GMIP: variants seen among roughly 807,000 people sequenced by gnomAD.
GMIP encodes GEM-interacting protein.
Under a neutral mutation model 105.3 loss-of-function variants are expected in GMIP, and 54 were observed. That is an observed-to-expected ratio of 0.51 (90% CI 0.41 to 0.64). The LOEUF (loss-of-function observed/expected upper bound fraction) is 0.64, where lower values mean the gene tolerates loss of function less well. Ranked by LOEUF, GMIP falls within the 30% of genes least tolerant of loss-of-function variation. GMIP has a pLI of 0.00. For missense variants in GMIP, 1,110 were observed against 1,319.4 expected (o/e 0.84, Z 2.46); for synonymous variants, 541 against 560.8 (o/e 0.96, Z 0.50).
In GMIP at chr19:19,637,664, T is replaced by G; in HGVS notation, c.928-103A>C. On this transcript the variant is annotated intron_variant, in intron 10 of 20. Transcript: ENST00000203556. The surrounding 1 kb of genome is among the most constrained non-coding windows in gnomAD (Gnocchi z 6.7). ...TGAGAGACGCGAACGTGGTCAGGGT[T>G]TGGGACGCACCTGGGCGGCTTAGGA... The G allele has an allele frequency of 9.8e-7, 1 of 1,024,938 alleles. No homozygotes were observed. Among genetic ancestry groups the G allele is most frequent in the Non-Finnish European group, 1.4e-6 (1 of 732,406 alleles). The allele number at this position is 1,024,938 out of a possible 1,614,324, so 63.5% of individuals were successfully genotyped here.
chr19:19,640,534 C>T lies in GMIP; in HGVS notation c.276G>A (p.Gly92=). 1 of 1,613,954 alleles carries T rather than the reference C, an allele frequency of 6.2e-7. No homozygotes were observed. Among genetic ancestry groups the T allele is most frequent in the Admixed American group, 1.7e-5 (1 of 59,992 alleles). Residue 92 remains glycine (G), a synonymous_variant, in exon 5 of 21, where the codon GGG becomes GGA. Coordinates refer to ENST00000203556, the MANE Select transcript of GMIP (RefSeq NM_016573.4). ...CATATTCCAGGGCTGCGTCCACACC[C>T]CCCTTTGTCCGAATGAGCCGCAAGT... is the stretch of plus-strand genomic sequence containing the variant. The part of the protein sequence containing the change: ...ELDLRLIRTK[G]GVDAALEYAK...
At chr19:19,636,168 C>T (rs1392387172) in intron 13 of GMIP, among the ~76,000 whole-genome samples, 2 of 148,338 alleles carry the variant, frequency 1.3e-5, no homozygotes, top group East Asian at 4.0e-4. Flanking sequence ...CGTACCACTG[C>T]GCTCCAGCCT....
intron 4 of GMIP, among the ~76,000 whole-genome samples, chr19:19,640,922 T>C (rs141204240): frequency 0.023 from 3,434 of 148,206 alleles, 135 homozygotes; most frequent in African/African-American, 0.08. Flanking sequence ...TGCGCCACCA[T>C]GCCCGGCTAA....
In GMIP at chr19:19,630,521, C is replaced by T; in HGVS notation, c.2489G>A (p.Ser830Asn). The T allele has an allele frequency of 6.2e-7, 1 of 1,614,040 alleles. No individual in the cohort carries two copies. Among genetic ancestry groups the T allele is most frequent in the Non-Finnish European group, 8.5e-7 (1 of 1,179,908 alleles). ...TTCAGCCACGTCCTCTCTCTGGTCA[C>T]TCTGTGGAGTTGGAATCTGCAGGGA... ...ATPTEIPTPQ[S>N]DQREDVAEDT... The change falls in exon 20 of 21, where the codon AGT becomes AAT. Residue 830 changes from serine (S) to asparagine (N), a missense_variant. Physicochemically the swap from Ser to Asn is conservative, Grantham distance 46 (BLOSUM62 1). Around this residue, in one of 3 missense-constraint regions of GMIP, gnomAD observed 394 missense variants for 450.5 expected, o/e 0.87. Transcript: ENST00000203556. This position sits in a 1 kb window ranked among gnomAD's most constrained non-coding sequence, Gnocchi z 4.8.
chr19:19,631,264 G>C (rs936017075), intron 19 of GMIP, among the ~76,000 whole-genome samples: 24 of 152,132 alleles, frequency 1.6e-4, no homozygotes, highest in Non-Finnish European at 1.0e-4. Flanking sequence ...ATTGAGTCTG[G>C]ACCGTGGGCT....
Position 19,640,151 on chromosome 19 carries a change from C to T in GMIP, c.471G>A (p.Glu157=). 2 of 1,613,822 alleles carry T rather than the reference C, an allele frequency of 1.2e-6. No homozygotes were observed. Among genetic ancestry groups the T allele is most frequent in the Non-Finnish European group, 1.7e-6 (2 of 1,179,862 alleles). Reference sequence around the variant, plus strand: ...CCAGGGTTCCCAGGCTGAGATCGTGCTCCAGAAACAGGGTGTAGATGTACT... The same window carrying T: ...CCAGGGTTCCCAGGCTGAGATCGTGTTCCAGAAACAGGGTGTAGATGTACT... ...PLQYIYTLFL[E]HDLSLGTLAM... is the part of the protein sequence containing the mutation. The change falls in exon 7 of 21, where the codon GAG becomes GAA. Residue 157 remains glutamate (E), a synonymous_variant. Coordinates refer to ENST00000203556, the MANE Select transcript of GMIP (RefSeq NM_016573.4).
At chr19:19,636,384 G>A (rs2061854298) in intron 13 of GMIP, among the ~76,000 whole-genome samples, 3 of 150,928 alleles carry the variant, frequency 2.0e-5, no homozygotes, top group Admixed American at 6.6e-5. Context: ...ATCAGCCGGC[G>A]TGGTAGTGCA....
Position 19,641,802 on chromosome 19 carries a change from C to G in GMIP, c.238+8G>C. 1 of 1,603,584 alleles carries G rather than the reference C, an allele frequency of 6.2e-7. No homozygotes were observed. Among genetic ancestry groups the G allele is most frequent in the Non-Finnish European group, 8.5e-7 (1 of 1,173,028 alleles). ...GTCCCCACTGTCCTGGCCTCCAGAC[C>G]CCCCTACCTGTGAGGGGTACAGGAC... On this transcript the variant is annotated splice_region_variant and intron_variant, in intron 4 of 20. Transcript: ENST00000203556.
In GMIP at chr19:19,634,720, G is replaced by A. The variant is rs748505717; in HGVS notation, c.1888-17C>T. On this transcript the variant is annotated splice_polypyrimidine_tract_variant and intron_variant, in intron 17 of 20. Transcript: ENST00000203556. The surrounding 1 kb of genome is among the most constrained non-coding windows in gnomAD (Gnocchi z 6.1). ...CTCGGTGAGCTGGGGGTGGAACGGA[G>A]GGCGCAACACGAGTGTGGGTGGGCT... 9 of 1,608,272 alleles carry A rather than the reference G, an allele frequency of 5.6e-6. No individual in the cohort carries two copies. The East Asian group carries it at 8.9e-5, about 16-fold the overall frequency.
chr19:19,640,371 A>G lies in GMIP; in HGVS notation c.365-11T>C. ...TAGCAAACTCCAGCTCTGGGGGAAG[A>G]GAGAGCCGGGCTCTGGGTCTAGCTG... On this transcript the variant is annotated splice_polypyrimidine_tract_variant and intron_variant, in intron 5 of 20. Coordinates refer to ENST00000203556, the MANE Select transcript of GMIP (RefSeq NM_016573.4). 2.5e-6 allele frequency: 4 copies of G among 1,614,004 alleles called. No homozygotes were observed. Among genetic ancestry groups the G allele is most frequent in the Non-Finnish European group, 3.4e-6 (4 of 1,179,980 alleles).
chr19:19,633,806 G>C lies in GMIP; in HGVS notation c.2469C>G (p.Thr823=). 1 of 1,460,306 alleles carries C rather than the reference G, an allele frequency of 6.8e-7. No homozygotes were observed. Among genetic ancestry groups the C allele is most frequent in the Non-Finnish European group, 9.1e-7 (1 of 1,104,082 alleles). The allele number at this position is 1,460,306 out of a possible 1,614,324, so 90.5% of individuals were successfully genotyped here. The part of the protein sequence containing the change: ...TLEQHPTATP[T]EIPTPQSDQR... ...TGTGGGCCCAGTGGGTTCTTACCTCGGTAGGTGTGGCCGTGGGATGCTGCT... is the reference window on the plus strand; with the variant it reads ...TGTGGGCCCAGTGGGTTCTTACCTCCGTAGGTGTGGCCGTGGGATGCTGCT... The change falls in exon 19 of 21, where the codon ACC becomes ACG. Residue 823 remains threonine, a synonymous_variant. Transcript: ENST00000203556.
chr19:19,635,068 G>C lies in GMIP; in HGVS notation c.1706C>G (p.Thr569Arg). The part of the protein sequence containing the change: ...DFPEEVPFVV[T>R]KCTAEIEHRA... The stretch of plus-strand genomic sequence containing the variant: ...GTGTTCTATCTCAGCCGTGCACTTC[G>C]TGACCACAAAGGGTACCTCCTCCGG... The change falls in exon 16 of 21, where the codon ACG becomes AGG. Residue 569 changes from threonine to arginine, a missense_variant. Around this residue, in one of 3 missense-constraint regions of GMIP, gnomAD observed 667 missense variants for 773.2 expected, o/e 0.86. Coordinates refer to ENST00000203556, the MANE Select transcript of GMIP (RefSeq NM_016573.4). This position sits in a 1 kb window ranked among gnomAD's most constrained non-coding sequence, Gnocchi z 4.7. The C allele has an allele frequency of 1.2e-6, 2 of 1,614,062 alleles. No individual in the cohort carries two copies. The highest frequency in any genetic ancestry group is 1.7e-6 in the Non-Finnish European group (2 of 1,180,014).
Position 19,634,935 on chromosome 19 carries a change from G to C in GMIP, c.1750-6C>G, listed in dbSNP as rs1279073059. 1.2e-6 allele frequency: 2 copies of C among 1,613,870 alleles called. No individual in the cohort carries two copies. Among genetic ancestry groups the C allele is most frequent in the East Asian group, 2.2e-5 (1 of 44,888 alleles). On this transcript the variant is annotated splice_polypyrimidine_tract_variant and splice_region_variant and intron_variant, in intron 16 of 20. Coordinates refer to ENST00000203556, the MANE Select transcript of GMIP (RefSeq NM_016573.4). This position sits in a 1 kb window ranked among gnomAD's most constrained non-coding sequence, Gnocchi z 6.1. ...CCGCTGACCCGGTAAATGCCCTGCA[G>C]GGTGAGGGTGAAAAACAGACACCTG...
rs370713069 is a variant in GMIP, at chr19:19,638,232, G to A, written c.716C>T (p.Ala239Val). 5.0e-6 allele frequency: 8 copies of A among 1,600,456 alleles called. No individual in the cohort carries two copies. The highest frequency in any genetic ancestry group is 6.8e-6 in the Non-Finnish European group (8 of 1,178,666). ...GCTAGGTCCCGGCGAGGCCTGGGGG[G>A]CCGAGTCCTCAGGGGACCCCTGGGA... is the stretch of plus-strand genomic sequence containing the variant. Reference protein sequence around the residue: ...ARSQGSPEDSAPQASPGPSKQ... With the variant: ...ARSQGSPEDSVPQASPGPSKQ... Residue 239 changes from alanine to valine, a missense_variant, in exon 9 of 21, where the codon GCC becomes GTC. Coordinates refer to ENST00000203556, the MANE Select transcript of GMIP (RefSeq NM_016573.4).
rs1568417452 is a variant in GMIP at position 19,638,463 on chromosome 19, GTCCGTT to G, written c.551_556del (p.Lys184_Arg185del). On this transcript the variant is annotated inframe_deletion, in exon 8 of 21. Coordinates refer to ENST00000203556, the MANE Select transcript of GMIP (RefSeq NM_016573.4). ...CTCCTTCCGCCACTTCTCAATCTCA[GTCCGTT>G]TGGCGGCGAGGGGCTGGCAAGGGTT... The G allele has an allele frequency of 1.2e-6, 2 of 1,613,970 alleles. No individual in the cohort carries two copies.
rs948233674 is a variant in GMIP at position 19,634,917 on chromosome 19, C to T, written c.1762G>A (p.Val588Ile). ...TCCACACGGACCCGGGACCCGCTGA[C>T]CCGGTAAATGCCCTGCAGGGTGAGG... Reference protein sequence around the residue: ...RALDVQGIYRVSGSRVRVERL... With the variant: ...RALDVQGIYRISGSRVRVERL... The change falls in exon 17 of 21, where the codon GTC becomes ATC. Residue 588 changes from valine (V) to isoleucine (I), a missense_variant. By Grantham distance (29) the Val-to-Ile change is conservative. Transcript: ENST00000203556. This position sits in a 1 kb window ranked among gnomAD's most constrained non-coding sequence, Gnocchi z 6.1. 7.4e-6 allele frequency: 12 copies of T among 1,613,946 alleles called. No homozygotes were observed. Among genetic ancestry groups the T allele is most frequent in the Non-Finnish European group, 9.3e-6 (11 of 1,180,038 alleles).
chr19:19,641,160 A>G (rs547795841), intron 4 of GMIP, among the ~76,000 whole-genome samples: 1 of 151,668 alleles, frequency 6.6e-6, no homozygotes, highest in Non-Finnish European at 1.5e-5. Context: ...GCCTCACTGC[A>G]AGCTCCGCCT....
chr19:19,642,188 G>A (rs2061929580), intron 2 of GMIP, 137 bp from the exon 3 acceptor site: 2 of 611,798 alleles, frequency 3.3e-6, no homozygotes, highest in Non-Finnish European at 2.9e-6. Context: ...GAAGAATGGT[G>A]TTTTGGGGGA....
At position 19,633,862 on chromosome 19, in the gene GMIP, C is replaced by T. The variant is rs370573101; in HGVS notation, c.2413G>A (p.Gly805Ser). The change falls in exon 19 of 21, where the codon GGC becomes AGC. Residue 805 changes from glycine to serine, a missense_variant. Coordinates refer to ENST00000203556, the MANE Select transcript of GMIP (RefSeq NM_016573.4). ...SQPPVLASDP[G>S]PDPQHHSTLE... ...GTACTGTGGTGCTGGGGGTCTGGGC[C>T]GGGGTCTGAGGCTAGGACTGGGGGC... 138 of 1,387,758 alleles carry T rather than the reference C, an allele frequency of 9.9e-5. No individual in the cohort carries two copies. The highest frequency in any genetic ancestry group is 4.2e-4 in the Admixed American group (15 of 35,644). The allele number at this position is 1,387,758 out of a possible 1,614,324, so 86.0% of individuals were successfully genotyped here.
Sources: gnomAD v4.1 joint callset for allele counts (sites outside exome capture counted in the v4.1 genomes callset) on GRCh38, gnomAD v4.1.1 for gene constraint, gnomAD v4.1.1 regional missense constraint, Gnocchi (gnomAD v3.1) non-coding constraint, MANE v1.5 for transcripts, NCBI Gene and HGNC (gene_info 2026-07-23, HGNC 2026-07-21) for gene names.